CENPN: variants seen among roughly 807,000 people sequenced by gnomAD.
CENPN encodes interphase centromere complex protein 32.
In CENPN, 36 loss-of-function variants were observed where a neutral mutation model predicts 48.6. That is an observed-to-expected ratio of 0.74 (90% CI 0.57 to 0.98). The LOEUF (loss-of-function observed/expected upper bound fraction) is 0.98. Ranked by LOEUF, CENPN falls within the 50% of genes least tolerant of loss-of-function variation. The probability of loss-of-function intolerance (pLI) is 0.00; values close to 1 mark genes in which losing one functional copy is unlikely to be tolerated. For synonymous variants in CENPN, 166 were observed against 135.2 expected (o/e 1.23, Z -1.58); for missense variants, 439 against 399.2 (o/e 1.10, Z -0.85).
Position 81,028,658 on chromosome 16 carries a change from C to G in CENPN, c.*7C>G. On this transcript the variant is annotated 3_prime_UTR_variant, in exon 11 of 11. Coordinates refer to ENST00000305850, the MANE Select transcript of CENPN (RefSeq NM_001100624.3). The stretch of plus-strand genomic sequence containing the variant: ...TAAAATTAGAGATAAATAAGACGTG[C>G]GTGGTTTCTTAAGCACAGCTCCTCC... The G allele has an allele frequency of 6.2e-7, 1 of 1,608,678 alleles. No homozygotes were observed. Among genetic ancestry groups the G allele is most frequent in the Non-Finnish European group, 8.5e-7 (1 of 1,178,810 alleles).
intron 1 of CENPN, among the ~76,000 whole-genome samples, chr16:81,010,895 A>T (rs1262032516): frequency 6.6e-6 from 1 of 151,980 alleles, no homozygotes; most frequent in African/African-American, 2.4e-5. Context: ...TGCCTCACTA[A>T]CCTCCAACCT....
chr16:81,018,987 A>G (rs73595470), intron 5 of CENPN, among the ~76,000 whole-genome samples: 291 of 152,250 alleles, frequency 1.9e-3, no homozygotes, highest in African/African-American at 6.6e-3. Context: ...TTCCAGACCA[A>G]TTGGCAACCA....
chr16:81,018,420 T>C (rs1044877289), intron 5 of CENPN, among the ~76,000 whole-genome samples: 1 of 152,076 alleles, frequency 6.6e-6, no homozygotes, highest in African/African-American at 2.4e-5. Flanking sequence ...ATGATCTGCC[T>C]GCCTCGGCCT....
At chr16:81,026,237 CTTTATT>C (rs1302874622) in intron 8 of CENPN, among the ~76,000 whole-genome samples, 7 of 147,900 alleles carry the variant, frequency 4.7e-5, no homozygotes, top group Admixed American at 3.4e-4. Flanking sequence ...ATATATGCAT[CTTTATT>C]TTTATTCACT....
At chr16:81,024,677 T>C in intron 7 of CENPN, 38 bp from the exon 8 acceptor site, 4 of 1,341,074 alleles carry the variant, frequency 3.0e-6, no homozygotes, top group Non-Finnish European at 4.2e-6. Context: ...TACTTCAAGA[T>C]GTCAAGATTA....
intron 2 of CENPN, 130 bp from the exon 3 acceptor site, chr16:81,014,006 G>T: frequency 1.7e-6 from 1 of 588,908 alleles, no homozygotes; most frequent in South Asian, 2.4e-5. Context: ...AGAAGAGATT[G>T]GAGATGGGTT....
At chr16:81,026,674 C>G (rs1395327183) in intron 9 of CENPN, 36 bp downstream of exon 9, 10 of 1,041,942 alleles carry the variant, frequency 9.6e-6, no homozygotes, top group Admixed American at 6.6e-5. Flanking sequence ...TACAAGATAT[C>G]AACATTGTTT....
chr16:81,015,380 G>T, intron 3 of CENPN, among the ~76,000 whole-genome samples: 1 of 152,170 alleles, frequency 6.6e-6, no homozygotes, highest in East Asian at 1.9e-4. Flanking sequence ...GTGGCATACC[G>T]ACATCTCTGG....
rs759012987 is a variant in CENPN, at chr16:81,024,789, G to T, written c.697+11G>T. 1 of 1,576,258 alleles carries T rather than the reference G, an allele frequency of 6.3e-7. No individual in the cohort carries two copies. On this transcript the variant is annotated intron_variant, in intron 8 of 10. Transcript: ENST00000305850. ...GACTAGATATAAATAGTACGTGTGT[G>T]TTAATATGAAACTGAATTTTGGAAA...
rs953029561 is a variant in CENPN, at chr16:81,028,733, C to T, written c.*82C>T. On this transcript the variant is annotated 3_prime_UTR_variant, in exon 11 of 11. Transcript: ENST00000305850. ...AGTTCATGGCTAGCTGTATAGCTTC[C>T]GTCTGTAAACTTGTATTTTCAAGAA... is the stretch of plus-strand genomic sequence containing the variant. 1.6e-5 allele frequency: 24 copies of T among 1,515,038 alleles called. No individual in the cohort carries two copies. Among genetic ancestry groups the T allele is most frequent in the Non-Finnish European group, 1.9e-5 (22 of 1,137,658 alleles). The allele number at this position is 1,515,038 out of a possible 1,614,324, so 93.8% of individuals were successfully genotyped here.
intron 3 of CENPN, 151 bp downstream of exon 3, chr16:81,014,332 T>G: frequency 1.6e-6 from 1 of 634,974 alleles, no homozygotes; most frequent in South Asian, 1.8e-5. Context: ...CCTCCTGGAT[T>G]CAAGTGATTC....
intron 5 of CENPN, among the ~76,000 whole-genome samples, chr16:81,018,288 C>T (rs1166935848): frequency 6.6e-6 from 1 of 152,046 alleles, no homozygotes; most frequent in African/African-American, 2.4e-5. Context: ...ATTCTTCTGC[C>T]TCTGCCTCCC....
intron 1 of CENPN, among the ~76,000 whole-genome samples, chr16:81,011,311 C>T (rs985028857): frequency 1.3e-5 from 2 of 152,180 alleles, no homozygotes; most frequent in Non-Finnish European, 2.9e-5. Context: ...CAAAATTATT[C>T]CATTTTCTCC....
rs756194517 is a variant in CENPN, at chr16:81,028,703, A to C, written c.*52A>C. ...TCCTCCTTCTTGATATTGCACATGC[A>C]CTTCAGTTCATGGCTAGCTGTATAG... On this transcript the variant is annotated 3_prime_UTR_variant, in exon 11 of 11. Transcript: ENST00000305850. The C allele has an allele frequency of 6.3e-7, 1 of 1,581,956 alleles. No homozygotes were observed. Among genetic ancestry groups the C allele is most frequent in the Non-Finnish European group, 8.5e-7 (1 of 1,169,750 alleles).
At position 81,031,095 on chromosome 16, in the gene CENPN, G is replaced by T. The variant is rs572201650; in HGVS notation, c.*2444G>T. 6.6e-6 allele frequency: 1 copy of T among 151,478 alleles called. No homozygotes were observed. Among genetic ancestry groups the T allele is most frequent in the South Asian group, 2.1e-4 (1 of 4,776 alleles). 9.4% of individuals were successfully genotyped at this position (151,478 alleles called of 1,614,324 possible). ...AAATAAATGACATCACTTTGGTTCA[G>T]AGCTCTAAAATGGAGGGAGGAAGCC... On this transcript the variant is annotated 3_prime_UTR_variant, in exon 11 of 11. Coordinates refer to ENST00000305850, the MANE Select transcript of CENPN (RefSeq NM_001100624.3).
chr16:81,007,978 G>C (rs905499522), intron 1 of CENPN, among the ~76,000 whole-genome samples: 18 of 152,028 alleles, frequency 1.2e-4, no homozygotes, highest in Non-Finnish European at 2.2e-4. Flanking sequence ...GTGGTATCGG[G>C]TGCCTGTAAT....
chr16:81,016,022 G>GT (rs1210975881), intron 3 of CENPN, among the ~76,000 whole-genome samples: 24 of 151,536 alleles, frequency 1.6e-4, no homozygotes, highest in Non-Finnish European at 3.2e-4. Flanking sequence ...AAAGGAAAAA[G>GT]AAAAGAAAAC....
intron 3 of CENPN, 114 bp from the exon 4 acceptor site, chr16:81,017,212 T>C (rs9889194): frequency 0.25 from 179,304 of 715,696 alleles, 24,273 homozygotes; most frequent in East Asian, 0.45. Flanking sequence ...TCTGTATAAC[T>C]CAATTTGTGA....
At position 81,026,067 on chromosome 16, in the gene CENPN, A is replaced by ATT. The variant is rs537056825; in HGVS notation, c.698-458_698-457insTT. Among the ~76,000 whole-genome samples the ATT allele has an allele frequency of 2.9e-5, 4 of 135,850 alleles. No homozygotes were observed. In the Admixed American group the frequency reaches 3.1e-4, roughly 11 times the overall value. 89.1% of individuals were successfully genotyped at this position (135,850 alleles called of 152,430 possible). On this transcript the variant is annotated intron_variant, in intron 8 of 10. Transcript: ENST00000305850. ...GTGCCATGGAGATATATATATATAT[A>ATT]TATGTGTGTGTGTGTGTGTGTGTAT...
Sources: gnomAD v4.1 joint callset for allele counts (sites outside exome capture counted in the v4.1 genomes callset) on GRCh38, gnomAD v4.1.1 for gene constraint, MANE v1.5 for transcripts, NCBI Gene and HGNC (gene_info 2026-07-23, HGNC 2026-07-21) for gene names.